Variants in MRTFB observed in about 807,000 individuals in gnomAD.
The protein encoded by MRTFB is myocardin related transcription factor B, also known as myocardin-related transcription factor B.
In MRTFB, 29 loss-of-function variants were observed where a neutral mutation model predicts 104.2. That is an observed-to-expected ratio of 0.28 (90% CI 0.21 to 0.38). The LOEUF is 0.38. MRTFB is among the 10% of genes least tolerant of loss of function. The pLI, the probability that MRTFB is intolerant of heterozygous loss-of-function variation, is 1.00. For missense variants in MRTFB, 1,270 were observed against 1,341.6 expected, an observed-to-expected ratio of 0.95 and a Z score of 0.83; for synonymous variants, 535 against 519.5, an observed-to-expected ratio of 1.03 and a Z score of -0.41.
the MRTFB span, among the ~76,000 whole-genome samples, chr16:14,035,546 A>G: frequency 4.6e-5 from 7 of 152,192 alleles, no homozygotes; most frequent in African/African-American, 1.7e-4. Flanking sequence ...CATGCTTACT[A>G]AAATGTGTGC....
At chr16:14,015,712 C>T in the MRTFB span, 2 of 382,590 alleles carry the variant, frequency 5.2e-6, no homozygotes, top group African/African-American at 4.1e-5. Flanking sequence ...TTCTGCCGCA[C>T]ACAGCTGATC....
At chr16:14,238,404 TAACAG>T (rs2042617646) in intron 9 of MRTFB, among the ~76,000 whole-genome samples, 1 of 152,120 alleles carries the variant, frequency 6.6e-6, no homozygotes, top group Non-Finnish European at 1.5e-5. Flanking sequence ...GTAAAGGTTG[TAACAG>T]AAAAGGATTG....
chr16:14,188,260 C>A (rs982015344), intron 3 of MRTFB, among the ~76,000 whole-genome samples: 11 of 152,232 alleles, frequency 7.2e-5, no homozygotes, highest in Admixed American at 5.9e-4. Flanking sequence ...TCTGGAGACT[C>A]ATTGAAGGGA....
At chr16:14,136,756 T>G (rs1023175729) in intron 2 of MRTFB, among the ~76,000 whole-genome samples, 3 of 150,770 alleles carry the variant, frequency 2.0e-5, no homozygotes, top group African/African-American at 7.3e-5. Context: ...TCTTGGGTTT[T>G]TTTTTTCCCC....
At chr16:14,193,109 A>T (rs2040261470) in intron 3 of MRTFB, among the ~76,000 whole-genome samples, 3 of 146,494 alleles carry the variant, frequency 2.0e-5, no homozygotes, top group African/African-American at 7.5e-5. Flanking sequence ...CCCCCTACAC[A>T]CATTCTGGCC....
At chr16:14,167,453 G>A (rs1436521311) in intron 3 of MRTFB, among the ~76,000 whole-genome samples, 2 of 151,788 alleles carry the variant, frequency 1.3e-5, no homozygotes, top group Non-Finnish European at 2.9e-5. Context: ...CATTCTGTAG[G>A]TTGTCGATTC....
Position 14,252,462 on chromosome 16 carries a change from C to A in MRTFB, c.2663C>A (p.Ala888Asp). 6.2e-7 allele frequency: 1 copy of A among 1,613,852 alleles called. No individual in the cohort carries two copies. Among genetic ancestry groups the A allele is most frequent in the Non-Finnish European group, 8.5e-7 (1 of 1,179,962 alleles). The change falls in exon 15 of 17, where the codon GCC (alanine) becomes GAC (aspartate). Residue 888 changes from alanine to aspartate, a missense_variant. Ala to Asp is a moderately radical substitution (Grantham distance 126). Transcript: ENST00000571589. Reference protein sequence around the residue: ...KTKDPPRYEEAIKQTRSTQAP... With the variant: ...KTKDPPRYEEDIKQTRSTQAP... ...AAAGATCCCCCCCGCTATGAGGAGG[C>A]CATCAAGCAGACACGCAGCACACAG... is the stretch of plus-strand genomic sequence containing the variant.
chr16:14,160,451 T>G (rs566815214), intron 3 of MRTFB, among the ~76,000 whole-genome samples: 2 of 152,322 alleles, frequency 1.3e-5, no homozygotes, highest in Non-Finnish European at 1.5e-5. Flanking sequence ...ATCACTTGGT[T>G]AAGGTGGCAT....
chr16:14,045,136 C>T, the MRTFB span, among the ~76,000 whole-genome samples: 1 of 152,174 alleles, frequency 6.6e-6, no homozygotes, highest in African/African-American at 2.4e-5. Flanking sequence ...TTATCACCAT[C>T]AGCACCTTCT....
chr16:14,073,569 G>T (rs1408351639), intron 1 of MRTFB, among the ~76,000 whole-genome samples: 1 of 152,232 alleles, frequency 6.6e-6, no homozygotes, highest in Non-Finnish European at 1.5e-5. Flanking sequence ...TAGAATCTCA[G>T]ATGGGAGGTC....
chr16:14,251,530 A>C (rs764555185), intron 13 of MRTFB, among the ~76,000 whole-genome samples: 60 of 152,240 alleles, frequency 3.9e-4, no homozygotes, highest in Non-Finnish European at 1.5e-4. Flanking sequence ...AAGGCAAGTT[A>C]CTGCGTAAAG....
At chr16:14,018,127 C>T in the MRTFB span, among the ~76,000 whole-genome samples, 1 of 151,906 alleles carries the variant, frequency 6.6e-6, no homozygotes, top group Admixed American at 6.6e-5. Context: ...TCCTGAAATC[C>T]ACCCTCAGTC....
the MRTFB span, among the ~76,000 whole-genome samples, chr16:14,029,535 A>ATG: frequency 6.7e-6 from 1 of 148,292 alleles, no homozygotes; most frequent in Non-Finnish European, 1.5e-5. Context: ...ACACACATAT[A>ATG]TATATATAGT....
At chr16:13,999,511 AAAAG>A in the MRTFB span, among the ~76,000 whole-genome samples, 14 of 152,046 alleles carry the variant, frequency 9.2e-5, no homozygotes, top group East Asian at 5.8e-4. Context: ...AAAAAAAAAA[AAAAG>A]AAAGAAAGAA....
the MRTFB span, among the ~76,000 whole-genome samples, chr16:14,053,414 C>T: frequency 1.3e-5 from 2 of 152,070 alleles, no homozygotes; most frequent in Non-Finnish European, 1.5e-5. Context: ...ATAGTGAGAC[C>T]TTGACTCTAC....
the MRTFB span, among the ~76,000 whole-genome samples, chr16:14,040,616 C>A: frequency 6.6e-6 from 1 of 152,022 alleles, no homozygotes; most frequent in Non-Finnish European, 1.5e-5. Context: ...GCACCTGCCA[C>A]CACAACCGGC....
chr16:14,033,474 G>C, the MRTFB span, among the ~76,000 whole-genome samples: 1 of 151,934 alleles, frequency 6.6e-6, no homozygotes, highest in African/African-American at 2.4e-5. Context: ...TTGAGCCCAG[G>C]ATATTGCAGT....
At chr16:14,013,981 G>T in the MRTFB span, among the ~76,000 whole-genome samples, 1 of 152,060 alleles carries the variant, frequency 6.6e-6, no homozygotes, top group Non-Finnish European at 1.5e-5. Flanking sequence ...TTTTTTAAAC[G>T]GTACTCAACC....
intron 2 of MRTFB, among the ~76,000 whole-genome samples, chr16:14,105,439 C>T (rs2035922809): frequency 6.6e-6 from 1 of 151,952 alleles, no homozygotes; most frequent in Non-Finnish European, 1.5e-5. Flanking sequence ...GCTCTGTTGC[C>T]CAGGCATCAG....
Sources: gnomAD v4.1 joint callset for allele counts (sites outside exome capture counted in the v4.1 genomes callset) on GRCh38, gnomAD v4.1.1 for gene constraint, MANE v1.5 for transcripts, NCBI Gene and HGNC (gene_info 2026-07-23, HGNC 2026-07-21) for gene names.